Variants in SPIDR observed in about 807,000 individuals in gnomAD.
SPIDR encodes DNA repair-scaffolding protein.
Under a neutral mutation model 104.6 loss-of-function variants are expected in SPIDR, and 93 were observed. The observed-to-expected ratio is 0.89, with a 90% CI of 0.75 to 1.06. The LOEUF (loss-of-function observed/expected upper bound fraction) is 1.06. SPIDR is among the 50% of genes least tolerant of loss of function. The pLI is 0.00. For missense variants in SPIDR, 1,154 were observed against 1,111.2 expected, an observed-to-expected ratio of 1.04 and a Z score of -0.55; for synonymous variants, 431 against 416.9, an observed-to-expected ratio of 1.03 and a Z score of -0.41.
intron 11 of SPIDR, among the ~76,000 whole-genome samples, chr8:47,683,909 G>A (rs2077406318): frequency 1.3e-5 from 2 of 152,040 alleles, no homozygotes; most frequent in South Asian, 2.1e-4. Flanking sequence ...GGTGGATCAC[G>A]AGGTCAGGAG....
At chr8:47,471,316 A>C (rs2075670053) in intron 8 of SPIDR, among the ~76,000 whole-genome samples, 1 of 135,082 alleles carries the variant, frequency 7.4e-6, no homozygotes, top group Non-Finnish European at 1.7e-5. Context: ...AATTCCTATA[A>C]TTCAATGTCA....
chr8:47,335,395 G>C (rs1376286211), intron 5 of SPIDR, among the ~76,000 whole-genome samples: 1 of 152,028 alleles, frequency 6.6e-6, no homozygotes, highest in African/African-American at 2.4e-5. Flanking sequence ...ATTCTAGATT[G>C]GTAATTTTTT....
At chr8:47,552,208 G>A (rs756695759) in intron 8 of SPIDR, among the ~76,000 whole-genome samples, 10 of 152,162 alleles carry the variant, frequency 6.6e-5, no homozygotes, top group Non-Finnish European at 1.3e-4. Context: ...GTCAATTTTG[G>A]AATAAGTGCG....
At chr8:47,590,779 A>C (rs562954555) in intron 8 of SPIDR, among the ~76,000 whole-genome samples, 4 of 152,108 alleles carry the variant, frequency 2.6e-5, no homozygotes, top group African/African-American at 4.8e-5. Flanking sequence ...GGATTTGTCT[A>C]TTCTTTGAGT....
chr8:47,354,255 A>G (rs1224202337), intron 5 of SPIDR, among the ~76,000 whole-genome samples: 1 of 152,170 alleles, frequency 6.6e-6, no homozygotes, highest in Admixed American at 6.5e-5. Flanking sequence ...GATAAGGTGT[A>G]TATACCTATG....
chr8:47,517,341 C>T (rs2083318966), intron 8 of SPIDR, among the ~76,000 whole-genome samples: 1 of 152,144 alleles, frequency 6.6e-6, no homozygotes, highest in African/African-American at 2.4e-5. Flanking sequence ...ATTACTATTA[C>T]TTGCAAAATA....
chr8:47,735,566 G>C lies in SPIDR; in HGVS notation c.*116G>C. The C allele has an allele frequency of 4.5e-6, 7 of 1,544,748 alleles. No individual in the cohort carries two copies. The South Asian group carries it at 7.0e-5, about 16-fold the overall frequency. On this transcript the variant is annotated 3_prime_UTR_variant, in exon 20 of 20. Coordinates refer to ENST00000297423, the MANE Select transcript of SPIDR (RefSeq NM_001080394.4). ...CACAGTGAACGTAGTTTACGATCTT[G>C]AAATGAAACTTAGATTTTTCTGGGG...
chr8:47,700,600 C>A, intron 12 of SPIDR, 110 bp downstream of exon 12: 1 of 1,025,224 alleles, frequency 9.8e-7, no homozygotes, highest in South Asian at 1.3e-5. Context: ...GCTCCAGTGG[C>A]AACAAGGAGC....
At chr8:47,294,883 C>T (rs1167724670) in intron 5 of SPIDR, among the ~76,000 whole-genome samples, 1 of 152,072 alleles carries the variant, frequency 6.6e-6, no homozygotes, top group Non-Finnish European at 1.5e-5. Context: ...TTGGCTTTTA[C>T]TTCTTAATTT....
At chr8:47,608,674 G>T (rs1239521339) in intron 10 of SPIDR, among the ~76,000 whole-genome samples, 1 of 152,136 alleles carries the variant, frequency 6.6e-6, no homozygotes, top group Non-Finnish European at 1.5e-5. Context: ...TCTCATTGTG[G>T]CTTTGATTTG....
At chr8:47,418,767 G>A (rs1380745146) in intron 7 of SPIDR, among the ~76,000 whole-genome samples, 1 of 152,126 alleles carries the variant, frequency 6.6e-6, no homozygotes, top group Non-Finnish European at 1.5e-5. Context: ...GTCATAGATA[G>A]GTCTTACTGT....
rs149589897 is a variant in SPIDR, at chr8:47,614,499, G to A, written c.1544+15303G>A. Among the ~76,000 whole-genome samples the A allele has an allele frequency of 4.6e-5, 7 of 152,310 alleles. No homozygotes were observed. In the East Asian group the frequency reaches 1.4e-3, roughly 29 times the overall value. On this transcript the variant is annotated intron_variant, in intron 10 of 19. Transcript: ENST00000297423. ...GGCCTCCCAAAGTGCTGGAATTATA[G>A]GCGTAAGCCACCACGCCCAGCCGAT...
At chr8:47,670,658 AG>A (rs1420450060) in intron 10 of SPIDR, among the ~76,000 whole-genome samples, 1 of 152,096 alleles carries the variant, frequency 6.6e-6, no homozygotes, top group Non-Finnish European at 1.5e-5. Flanking sequence ...ACTATACTTA[AG>A]TTAATATCTT....
At chr8:47,723,672 T>G (rs1482188185) in intron 16 of SPIDR, among the ~76,000 whole-genome samples, 1 of 152,070 alleles carries the variant, frequency 6.6e-6, no homozygotes, top group African/African-American at 2.4e-5. Flanking sequence ...CTCACGATCC[T>G]CCCACCTTGG....
At chr8:47,304,479 C>G (rs2042782820) in intron 5 of SPIDR, among the ~76,000 whole-genome samples, 1 of 151,934 alleles carries the variant, frequency 6.6e-6, no homozygotes, top group Non-Finnish European at 1.5e-5. Flanking sequence ...CCGACCTGGC[C>G]AACATAGCAA....
At chr8:47,510,293 A>T (rs554931326) in intron 8 of SPIDR, among the ~76,000 whole-genome samples, 1 of 152,258 alleles carries the variant, frequency 6.6e-6, no homozygotes, top group African/African-American at 2.4e-5. Context: ...ATGCTGACAG[A>T]GTTACAGTGC....
intron 8 of SPIDR, among the ~76,000 whole-genome samples, chr8:47,558,289 C>T (rs1022086164): frequency 6.6e-6 from 1 of 151,832 alleles, no homozygotes; most frequent in East Asian, 1.9e-4. Context: ...CATGTGTATC[C>T]CTTAAATCTA....
At chr8:47,365,999 A>C (rs901302322) in intron 5 of SPIDR, among the ~76,000 whole-genome samples, 3 of 149,740 alleles carry the variant, frequency 2.0e-5, no homozygotes, top group Non-Finnish European at 3.0e-5. Flanking sequence ...CACACACACA[A>C]ACACACAGAG....
intron 10 of SPIDR, among the ~76,000 whole-genome samples, chr8:47,658,049 A>G (rs4873537): frequency 6.2e-4 from 85 of 137,892 alleles, no homozygotes; most frequent in Non-Finnish European, 1.1e-3. Context: ...AAAAAAAAAA[A>G]GAAAAAGAAA....
Sources: gnomAD v4.1 joint callset for allele counts (sites outside exome capture counted in the v4.1 genomes callset) on GRCh38, gnomAD v4.1.1 for gene constraint, MANE v1.5 for transcripts, NCBI Gene and HGNC (gene_info 2026-07-23, HGNC 2026-07-21) for gene names.